The following RORA variants were observed in gnomAD, a reference collection of about 807,000 sequenced individuals.
The protein encoded by RORA is RAR related orphan receptor A, also known as nuclear receptor ROR-alpha.
In RORA, 7 loss-of-function variants were observed where a neutral mutation model predicts 69.5. The ratio of observed to expected loss-of-function variants is 0.10; its 90% CI spans 0.06 to 0.19. The LOEUF (loss-of-function observed/expected upper bound fraction) is 0.19. Ranked by LOEUF, RORA falls within the 10% of genes least tolerant of loss-of-function variation. The pLI is 1.00. For missense variants in RORA, 457 were observed against 663.0 expected, an observed-to-expected ratio of 0.69 and a Z score of 3.41; for synonymous variants, 261 against 240.8, an observed-to-expected ratio of 1.08 and a Z score of -0.78.
At chr15:60,817,761 C>T (rs962457893) in intron 1 of RORA, among the ~76,000 whole-genome samples, 12 of 152,216 alleles carry the variant, frequency 7.9e-5, no homozygotes, top group African/African-American at 2.7e-4. Flanking sequence ...TGTTTGTCCC[C>T]TGTGCCAAAT....
intron 2 of RORA, among the ~76,000 whole-genome samples, chr15:60,647,962 G>A (rs1268449092): frequency 6.6e-6 from 1 of 152,220 alleles, no homozygotes; most frequent in African/African-American, 2.4e-5. Context: ...TGCCGGACCA[G>A]GTGGCTGTGA....
At chr15:60,910,608 G>C (rs1158094914) in intron 1 of RORA, among the ~76,000 whole-genome samples, 1 of 152,138 alleles carries the variant, frequency 6.6e-6, no homozygotes, top group African/African-American at 2.4e-5. Flanking sequence ...GGAGGACTGA[G>C]ACTCAGAGAG....
At chr15:60,506,730 T>C (rs1469064536) in intron 5 of RORA, among the ~76,000 whole-genome samples, 2 of 152,022 alleles carry the variant, frequency 1.3e-5, no homozygotes, top group African/African-American at 4.8e-5. Context: ...TGGCTGTCTG[T>C]GATCCCAGCT....
chr15:60,542,863 T>C lies in RORA; in HGVS notation c.197-11012A>G, dbSNP rs866989257. Among the ~76,000 whole-genome samples, 10 of 129,708 alleles carry C rather than the reference T, an allele frequency of 7.7e-5. No individual in the cohort carries two copies. In the South Asian group the frequency reaches 2.0e-3, roughly 26 times the overall value. The allele number at this position is 129,708 out of a possible 152,430, so 85.1% of individuals were successfully genotyped here. A position where few individuals can be genotyped will look rare whatever the true frequency, so the allele number is the denominator to read the frequency against. Reference sequence around the variant, plus strand: ...CACACACGCACCCACCCCACATACATACAGTCCACACACACACAACACATA... The same window carrying C: ...CACACACGCACCCACCCCACATACACACAGTCCACACACACACAACACATA... On this transcript the variant is annotated intron_variant, in intron 2 of 10. Coordinates refer to ENST00000335670, the MANE Select transcript of RORA (RefSeq NM_134261.3).
At chr15:60,698,694 TATC>T (rs1163974196) in intron 1 of RORA, among the ~76,000 whole-genome samples, 10 of 150,968 alleles carry the variant, frequency 6.6e-5, no homozygotes, top group South Asian at 2.1e-4. Context: ...ATTGAATAGA[TATC>T]ATCGTGTCCT....
Position 60,627,187 on chromosome 15 carries a change from A to G in RORA, c.196+51470T>C, listed in dbSNP as rs755080088. ...ACATTGGGTTGTGGGTGGTGGGGGG[A>G]GGGTACACAGTGATCAGCAGAGCAA... On this transcript the variant is annotated intron_variant, in intron 2 of 10. Transcript: ENST00000335670. 9.2e-6 allele frequency: 14 copies of G among 1,514,410 alleles called. No individual in the cohort carries two copies. The South Asian group carries it at 1.4e-4, about 15-fold the overall frequency. 93.8% of individuals were successfully genotyped at this position (1,514,410 alleles called of 1,614,324 possible). A position where few individuals can be genotyped will look rare whatever the true frequency, so the allele number is the denominator to read the frequency against.
chr15:60,630,953 C>T lies in RORA; in HGVS notation c.196+47704G>A, dbSNP rs954651035. ...CCAAGCTGGAGTACAGTGGCACAATCTCGGCTCACTGCAACCTCCTCCACC... is the reference window on the plus strand; with the variant it reads ...CCAAGCTGGAGTACAGTGGCACAATTTCGGCTCACTGCAACCTCCTCCACC... On this transcript the variant is annotated intron_variant, in intron 2 of 10. Coordinates refer to ENST00000335670, the MANE Select transcript of RORA (RefSeq NM_134261.3). Among the ~76,000 whole-genome samples the T allele has an allele frequency of 6.1e-5, 8 of 131,872 alleles. No homozygotes were observed. The Middle Eastern group carries it at 0.015, about 252-fold the overall frequency. 86.5% of individuals were successfully genotyped at this position (131,872 alleles called of 152,430 possible). A position where few individuals can be genotyped will look rare whatever the true frequency, so the allele number is the denominator to read the frequency against.
chr15:60,507,355 C>T (rs2065541025), intron 5 of RORA, among the ~76,000 whole-genome samples: 1 of 152,098 alleles, frequency 6.6e-6, no homozygotes, highest in South Asian at 2.1e-4. Flanking sequence ...TTTTGTCAAA[C>T]AGAAGCAGAC....
chr15:60,797,088 A>T (rs2072509798), intron 1 of RORA, among the ~76,000 whole-genome samples: 1 of 148,710 alleles, frequency 6.7e-6, no homozygotes, highest in South Asian at 2.1e-4. Flanking sequence ...TATTATTATT[A>T]TTTCTGCACA....
chr15:61,038,714 A>C (rs1456999018), intron 1 of RORA: 1 of 152,238 alleles, frequency 6.6e-6, no homozygotes, highest in African/African-American at 2.4e-5. Flanking sequence ...TGGTAGCGGA[A>C]GATTCTAGGC....
chr15:60,747,826 A>C (rs1993471), intron 1 of RORA, among the ~76,000 whole-genome samples: 140,367 of 152,164 alleles, frequency 0.92, 65,184 homozygotes, highest in Non-Finnish European at 0.98. Context: ...CTACGCCTCT[A>C]TTTTAGGGAT....
rs184152774 is a variant in RORA at position 61,060,765 on chromosome 15, G to A, written c.166+168288C>T. Among the ~76,000 whole-genome samples the A allele has an allele frequency of 4.3e-4, 66 of 152,136 alleles. No individual in the cohort carries two copies. The East Asian group carries it at 0.011, about 26-fold the overall frequency. On this transcript the variant is annotated intron_variant, in intron 1 of 10. Transcript: ENST00000335670. ...GGAAAACAGGGGTGTCCAATCTTTC[G>A]GCTTCCCTGTACCCCACTGGAAGAA...
chr15:60,497,733 C>T (rs2141248380), intron 10 of RORA, 114 bp from the exon 11 acceptor site: 1 of 824,760 alleles, frequency 1.2e-6, no homozygotes, highest in Middle Eastern at 2.3e-4. Context: ...ACACTTAAAG[C>T]AACTTAAACA....
At chr15:60,963,806 C>G (rs1258266526) in intron 1 of RORA, among the ~76,000 whole-genome samples, 2 of 152,332 alleles carry the variant, frequency 1.3e-5, no homozygotes, top group East Asian at 3.9e-4. Flanking sequence ...CATGAACAAG[C>G]TCAGGTTCCT....
rs1445119301 is a variant in RORA, at chr15:61,131,895, T to A, written c.166+97158A>T. Among the ~76,000 whole-genome samples the A allele has an allele frequency of 6.6e-6, 1 of 152,176 alleles. No individual in the cohort carries two copies. The highest frequency in any genetic ancestry group is 1.5e-5 in the Non-Finnish European group (1 of 68,024). ...TCATACTTGGCAAATAGGAAAAACT[T>A]CACTTGGAAAAAACAGCACTGAATT... On this transcript the variant is annotated intron_variant, in intron 1 of 10. Transcript: ENST00000335670. The surrounding 1 kb of genome is among the most constrained non-coding windows in gnomAD (Gnocchi z 4.2).
At chr15:60,949,309 G>A (rs191330348) in intron 1 of RORA, among the ~76,000 whole-genome samples, 138 of 152,162 alleles carry the variant, frequency 9.1e-4, no homozygotes, top group African/African-American at 3.1e-3. Context: ...GCCAAATCTT[G>A]CTTGGCTTCT....
chr15:60,938,642 C>T (rs1346022698), intron 1 of RORA, among the ~76,000 whole-genome samples: 1 of 152,172 alleles, frequency 6.6e-6, no homozygotes, highest in Non-Finnish European at 1.5e-5. Flanking sequence ...GGGAAACACT[C>T]ACTTAAACAT....
At chr15:60,591,369 T>C (rs2068503833) in intron 2 of RORA, among the ~76,000 whole-genome samples, 1 of 152,118 alleles carries the variant, frequency 6.6e-6, no homozygotes, top group Admixed American at 6.5e-5. Context: ...AGAGCGAGTC[T>C]CGGTTTCTCC....
At chr15:60,633,705 C>G (rs1403505338) in intron 2 of RORA, among the ~76,000 whole-genome samples, 1 of 152,176 alleles carries the variant, frequency 6.6e-6, no homozygotes, top group Admixed American at 6.5e-5. Flanking sequence ...TTTTCTATCC[C>G]TCTTCCCATT....
Sources: gnomAD v4.1 joint callset for allele counts (sites outside exome capture counted in the v4.1 genomes callset) on GRCh38, gnomAD v4.1.1 for gene constraint, Gnocchi (gnomAD v3.1) non-coding constraint, MANE v1.5 for transcripts, NCBI Gene and HGNC (gene_info 2026-07-23, HGNC 2026-07-21) for gene names.